The following CADPS2 variants were observed in gnomAD, a reference collection of about 807,000 sequenced individuals.
CADPS2 encodes the protein calcium dependent secretion activator 2.
Under a neutral mutation model 172.5 loss-of-function variants are expected in CADPS2, and 93 were observed. That is an observed-to-expected ratio of 0.54 (90% CI 0.46 to 0.64). The LOEUF is 0.64. CADPS2 is among the 30% of genes least tolerant of loss of function. The pLI, the probability that CADPS2 is intolerant of heterozygous loss-of-function variation, is 0.00. For synonymous variants in CADPS2, 546 were observed against 555.2 expected (o/e 0.98, Z 0.23); for missense variants, 1,420 against 1,565.9 (o/e 0.91, Z 1.57).
intron 2 of CADPS2, among the ~76,000 whole-genome samples, chr7:122,705,747 TATATATA>T (rs1439496406): frequency 0.054 from 561 of 10,334 alleles, 147 homozygotes; most frequent in African/African-American, 0.12. Context: ...TAATATATAA[TATATATA>T]ATATATAATA....
rs559104637 is a variant in CADPS2 at position 122,789,164 on chromosome 7, T to C, written c.340-52096A>G. On this transcript the variant is annotated intron_variant, in intron 1 of 29. Transcript: ENST00000449022. ...CAGGAGCATGAAGAGGTGAAGGGAA[T>C]GTCAGCAGAGGAGTAGATTTCATTT... Among the ~76,000 whole-genome samples, 5 of 152,224 alleles carry C rather than the reference T, an allele frequency of 3.3e-5. No individual in the cohort carries two copies. In the South Asian group the frequency reaches 6.2e-4, roughly 19 times the overall value.
intron 17 of CADPS2, 132 bp from the exon 18 acceptor site, chr7:122,416,296 CAAAA>C: frequency 6.0e-6 from 2 of 336,034 alleles, no homozygotes; most frequent in African/African-American, 2.3e-5. Context: ...ATTATTTAGA[CAAAA>C]AAAAAAAAAC....
chr7:122,803,782 G>A (rs1798159217), intron 1 of CADPS2, among the ~76,000 whole-genome samples: 1 of 152,056 alleles, frequency 6.6e-6, no homozygotes, highest in Non-Finnish European at 1.5e-5. Context: ...AATGCAGATA[G>A]CTATCAAAAC....
intron 1 of CADPS2, among the ~76,000 whole-genome samples, chr7:122,811,458 C>A (rs796319678): frequency 6.6e-5 from 10 of 152,236 alleles, no homozygotes; most frequent in African/African-American, 2.4e-4. Flanking sequence ...AATTGAATAT[C>A]TGGATAATTT....
chr7:122,470,056 G>A (rs1326949537), intron 14 of CADPS2, among the ~76,000 whole-genome samples: 1 of 152,180 alleles, frequency 6.6e-6, no homozygotes, highest in Non-Finnish European at 1.5e-5. Flanking sequence ...GATGGAAGAG[G>A]ATGGTAATGG....
intron 1 of CADPS2, among the ~76,000 whole-genome samples, chr7:122,756,342 C>A (rs1472010588): frequency 6.6e-6 from 1 of 152,038 alleles, no homozygotes; most frequent in Admixed American, 6.6e-5. Flanking sequence ...TCTAAATATA[C>A]AATAGTCATT....
Position 122,661,430 on chromosome 7 carries a change from C to A in CADPS2, c.786+1807G>T, listed in dbSNP as rs1379214330. Among the ~76,000 whole-genome samples the A allele has an allele frequency of 2.6e-5, 4 of 151,886 alleles. No individual in the cohort carries two copies. The East Asian group carries it at 7.7e-4, about 29-fold the overall frequency. On this transcript the variant is annotated intron_variant, in intron 3 of 29. Coordinates refer to ENST00000449022, the MANE Select transcript of CADPS2 (RefSeq NM_017954.11). ...AGTTAATAACATAAACTCATAGGAA[C>A]ATGGAAATATATTTTATAACCTTGT...
At chr7:122,701,357 G>A (rs1017895467) in intron 2 of CADPS2, among the ~76,000 whole-genome samples, 3 of 151,954 alleles carry the variant, frequency 2.0e-5, no homozygotes, top group Non-Finnish European at 4.4e-5. Context: ...ACCAAACACC[G>A]CATGTTCTCA....
chr7:122,358,633 G>A (rs1265978972), intron 27 of CADPS2, among the ~76,000 whole-genome samples: 1 of 152,070 alleles, frequency 6.6e-6, no homozygotes, highest in African/African-American at 2.4e-5. Flanking sequence ...TGTGAAAGGT[G>A]AGCCAGCGCT....
chr7:122,417,967 C>T (rs960962851), intron 17 of CADPS2, among the ~76,000 whole-genome samples: 3 of 152,002 alleles, frequency 2.0e-5, no homozygotes, highest in South Asian at 2.1e-4. Context: ...GTCAGGAGTT[C>T]GAAACCAGCC....
At chr7:122,686,996 T>C (rs960322114) in intron 2 of CADPS2, among the ~76,000 whole-genome samples, 5 of 152,156 alleles carry the variant, frequency 3.3e-5, no homozygotes, top group Admixed American at 3.3e-4. Flanking sequence ...AACTATGCTT[T>C]TTAAGCTTAA....
At chr7:122,711,339 T>C (rs76696353) in intron 2 of CADPS2, among the ~76,000 whole-genome samples, 1,565 of 152,260 alleles carry the variant, frequency 0.01, 24 homozygotes, top group African/African-American at 0.036. Context: ...AATGAATATA[T>C]AGCTATATCT....
At chr7:122,863,130 T>C (rs1282282998) in intron 1 of CADPS2, among the ~76,000 whole-genome samples, 2 of 152,206 alleles carry the variant, frequency 1.3e-5, no homozygotes, top group Non-Finnish European at 2.9e-5. Context: ...CAACCATTAT[T>C]GCTGCTGGTG....
intron 1 of CADPS2, among the ~76,000 whole-genome samples, chr7:122,845,383 C>T (rs1811718285): frequency 6.6e-6 from 1 of 152,292 alleles, no homozygotes; most frequent in African/African-American, 2.4e-5. Context: ...TAAAAAACAA[C>T]CACAAGCGTG....
intron 5 of CADPS2, among the ~76,000 whole-genome samples, chr7:122,616,117 T>C (rs530135297): frequency 1.3e-5 from 2 of 152,220 alleles, no homozygotes; most frequent in South Asian, 2.1e-4. Context: ...ATGAATATTA[T>C]TTACCATAGC....
chr7:122,754,667 G>C (rs2138516461), intron 1 of CADPS2, among the ~76,000 whole-genome samples: 1 of 152,170 alleles, frequency 6.6e-6, no homozygotes, highest in African/African-American at 2.4e-5. Context: ...AGTAGAAACG[G>C]GTTTCACCAA....
chr7:122,879,942 TTAAACAAGTCATTTTAATTAA>T (rs1279844623), intron 1 of CADPS2, among the ~76,000 whole-genome samples: 25 of 152,324 alleles, frequency 1.6e-4, no homozygotes, highest in Admixed American at 9.8e-4. Flanking sequence ...ATAGCAGAAC[TTAAACAAGTCATTTTAATTAA>T]TAAACAAGTC....
At chr7:122,656,065 C>T (rs541980354) in intron 3 of CADPS2, among the ~76,000 whole-genome samples, 1 of 152,240 alleles carries the variant, frequency 6.6e-6, no homozygotes, top group African/African-American at 2.4e-5. Context: ...GCACTTGGAG[C>T]AGAAGCTGCT....
At chr7:122,333,310 C>T (rs2035307785) in intron 28 of CADPS2, among the ~76,000 whole-genome samples, 1 of 152,200 alleles carries the variant, frequency 6.6e-6, no homozygotes, top group Non-Finnish European at 1.5e-5. Context: ...AGATGAAACT[C>T]ATGCCTGAGA....
Sources: gnomAD v4.1 joint callset for allele counts (sites outside exome capture counted in the v4.1 genomes callset) on GRCh38, gnomAD v4.1.1 for gene constraint, MANE v1.5 for transcripts, NCBI Gene and HGNC (gene_info 2026-07-23, HGNC 2026-07-21) for gene names.